TASP1: variants seen among roughly 807,000 people sequenced by gnomAD.
The protein encoded by TASP1 is taspase 1.
Under a neutral mutation model 56.6 loss-of-function variants are expected in TASP1, and 16 were observed. The ratio of observed to expected loss-of-function variants is 0.28; its 90% CI spans 0.19 to 0.43. The LOEUF (loss-of-function observed/expected upper bound fraction) is 0.43. Ranked by LOEUF, TASP1 falls within the 20% of genes least tolerant of loss-of-function variation. The pLI, the probability that TASP1 is intolerant of heterozygous loss-of-function variation, is 1.00. For missense variants in TASP1, 393 were observed against 511.6 expected, an observed-to-expected ratio of 0.77 and a Z score of 2.24; for synonymous variants, 179 against 184.2, an observed-to-expected ratio of 0.97 and a Z score of 0.23.
At chr20:13,148,486 G>A in the TASP1 span, among the ~76,000 whole-genome samples, 1 of 152,308 alleles carries the variant, frequency 6.6e-6, no homozygotes, top group Non-Finnish European at 1.5e-5. Flanking sequence ...GCTGTCGGGA[G>A]AGCAGGTCAC....
the TASP1 span, among the ~76,000 whole-genome samples, chr20:13,261,410 A>G: frequency 6.6e-6 from 1 of 150,904 alleles, no homozygotes. Context: ...AAGAGGGAAG[A>G]GTGAAACTCT....
chr20:13,219,106 T>C, the TASP1 span, among the ~76,000 whole-genome samples: 83 of 152,330 alleles, frequency 5.4e-4, 1 homozygote, highest in South Asian at 7.0e-3. Flanking sequence ...GGTTTACATG[T>C]GGAGACTGTG....
At chr20:13,395,326 A>C (rs1405531702) in intron 13 of TASP1, among the ~76,000 whole-genome samples, 1 of 152,244 alleles carries the variant, frequency 6.6e-6, no homozygotes, top group Non-Finnish European at 1.5e-5. Context: ...TAGCCTCCTG[A>C]GACAAGTGTG....
At chr20:13,129,279 G>A in the TASP1 span, among the ~76,000 whole-genome samples, 1 of 152,150 alleles carries the variant, frequency 6.6e-6, no homozygotes, top group African/African-American at 2.4e-5. Context: ...TGGGATTACA[G>A]GCGTGAGCCA....
chr20:13,134,414 G>A, the TASP1 span, among the ~76,000 whole-genome samples: 1 of 152,164 alleles, frequency 6.6e-6, no homozygotes, highest in Non-Finnish European at 1.5e-5. Flanking sequence ...TAGAGTCACT[G>A]ATGTTGGGGA....
At chr20:13,566,414 T>C (rs957668029) in intron 7 of TASP1, among the ~76,000 whole-genome samples, 8 of 151,770 alleles carry the variant, frequency 5.3e-5, no homozygotes, top group African/African-American at 1.9e-4. Flanking sequence ...TAGCCAAAAA[T>C]TGGAAACAAC....
chr20:13,406,436 AT>A (rs1172411994), intron 13 of TASP1, among the ~76,000 whole-genome samples: 4 of 152,122 alleles, frequency 2.6e-5, no homozygotes, highest in Admixed American at 2.6e-4. Flanking sequence ...GGCTTTTACT[AT>A]TTCTTTTCCA....
intron 3 of TASP1, 28 bp downstream of exon 3, chr20:13,625,157 G>C (rs778341767): frequency 1.3e-6 from 2 of 1,529,258 alleles, no homozygotes; most frequent in Non-Finnish European, 1.8e-6. Context: ...AAACTGCAAT[G>C]CACAGATCAT....
chr20:13,590,331 T>C (rs1373520391), intron 4 of TASP1, among the ~76,000 whole-genome samples: 1 of 152,194 alleles, frequency 6.6e-6, no homozygotes, highest in Non-Finnish European at 1.5e-5. Flanking sequence ...CAAGGATGGC[T>C]ATAATCATAC....
At chr20:13,349,765 G>A in the TASP1 span, among the ~76,000 whole-genome samples, 2 of 152,112 alleles carry the variant, frequency 1.3e-5, no homozygotes, top group East Asian at 1.9e-4. Context: ...TCAAGGTCAC[G>A]GGATACAAGA....
At chr20:13,131,016 AG>A in the TASP1 span, among the ~76,000 whole-genome samples, 1 of 152,202 alleles carries the variant, frequency 6.6e-6, no homozygotes, top group Non-Finnish European at 1.5e-5. Context: ...GGGATCACTC[AG>A]TGATTGAAGT....
intron 13 of TASP1, among the ~76,000 whole-genome samples, chr20:13,408,081 A>AT (rs2041984183): frequency 6.6e-6 from 1 of 151,468 alleles, no homozygotes; most frequent in African/African-American, 2.4e-5. Context: ...TGACCTATTT[A>AT]TTTTTTCTTT....
the TASP1 span, among the ~76,000 whole-genome samples, chr20:13,277,625 C>T: frequency 4.1e-5 from 6 of 147,248 alleles, no homozygotes; most frequent in Non-Finnish European, 7.4e-5. Context: ...TATTCCTTTT[C>T]TTTTCTTCCC....
chr20:13,442,275 CACACAG>C (rs553571786), intron 11 of TASP1, among the ~76,000 whole-genome samples: 31 of 151,292 alleles, frequency 2.0e-4, no homozygotes, highest in East Asian at 9.7e-4. Flanking sequence ...CATACACAGA[CACACAG>C]ACACAGACAC....
chr20:13,387,956 C>T (rs1351672035), downstream of TASP1, among the ~76,000 whole-genome samples: 2 of 152,226 alleles, frequency 1.3e-5, no homozygotes, highest in Non-Finnish European at 2.9e-5. Context: ...AAATCACATG[C>T]TCTTGTCTCC....
chr20:13,438,042 G>A (rs912886117), intron 11 of TASP1, among the ~76,000 whole-genome samples: 12 of 151,942 alleles, frequency 7.9e-5, no homozygotes, highest in East Asian at 7.7e-4. Flanking sequence ...AAAGGAGCCC[G>A]CATTGCCAAG....
chr20:13,566,612 C>T (rs1285875012), intron 7 of TASP1, among the ~76,000 whole-genome samples: 1 of 150,056 alleles, frequency 6.7e-6, no homozygotes, highest in African/African-American at 2.4e-5. Context: ...ATTTATATTA[C>T]ATTCTTGAAA....
the TASP1 span, chr20:13,270,516 G>T: frequency 1.2e-6 from 2 of 1,613,034 alleles, no homozygotes; most frequent in East Asian, 2.2e-5. Context: ...TAACCTCAAC[G>T]TGGGAAGTGA....
In TASP1 at chr20:13,630,061, C is replaced by T. The variant is rs1338724941; in HGVS notation, c.18G>A (p.Gly6=). Residue 6 remains glycine (G), a synonymous_variant, in exon 2 of 14, where the codon GGG becomes GGA. Transcript: ENST00000337743. MTMEK[G]MSSGEGLPSR... is the part of the protein sequence containing the mutation. ...AAGGCAGCCCTTCTCCAGAACTCAT[C>T]CCCTTCTCCATGGTCATTCTCCAAG... 1.2e-6 allele frequency: 2 copies of T among 1,613,232 alleles called. No individual in the cohort carries two copies. The highest frequency in any genetic ancestry group is 4.5e-5 in the East Asian group (2 of 44,810).
Sources: gnomAD v4.1 joint callset for allele counts (sites outside exome capture counted in the v4.1 genomes callset) on GRCh38, gnomAD v4.1.1 for gene constraint, MANE v1.5 for transcripts, NCBI Gene and HGNC (gene_info 2026-07-23, HGNC 2026-07-21) for gene names.